EYS: variants seen among roughly 807,000 people sequenced by gnomAD.
EYS encodes the protein protein eyes shut homolog.
Under a neutral mutation model 282.1 loss-of-function variants are expected in EYS, and 250 were observed. That is an observed-to-expected ratio of 0.89 (90% CI 0.80 to 0.98). The LOEUF is 0.98. EYS is among the 50% of genes least tolerant of loss of function. The pLI is 0.00. For synonymous variants in EYS, 1,355 were observed against 1,282.9 expected (o/e 1.06, Z -1.20); for missense variants, 4,016 against 3,709.0 (o/e 1.08, Z -2.15).
At position 65,296,087 on chromosome 6, in the gene EYS, A is replaced by G. The variant is rs794727057; in HGVS notation, c.1799T>C (p.Leu600Ser). Residue 600 changes from leucine to serine, a missense_variant, in exon 12 of 43, where the codon TTG becomes TCG. Physicochemically the swap from Leu to Ser is moderately radical, Grantham distance 145. Coordinates refer to ENST00000503581, the MANE Select transcript of EYS (RefSeq NM_001142800.2). Reference sequence around the variant, plus strand: ...GCAATAGTCAACATTGACAACACACAATCTGCCAATGTAACTAAGAGAACA... The same window carrying G: ...GCAATAGTCAACATTGACAACACACGATCTGCCAATGTAACTAAGAGAACA... ...CSCSLSYIGRLCVVNVDYCLG... is the reference protein window; with the variant it reads ...CSCSLSYIGRSCVVNVDYCLG... The G allele has an allele frequency of 6.5e-7, 1 of 1,549,998 alleles. No homozygotes were observed. Among genetic ancestry groups the G allele is most frequent in the African/African-American group, 1.4e-5 (1 of 72,994 alleles).
intron 12 of EYS, among the ~76,000 whole-genome samples, chr6:65,162,317 G>C (rs974779113): frequency 1.3e-5 from 2 of 151,200 alleles, no homozygotes; most frequent in Admixed American, 6.6e-5. Context: ...ATAAAATATT[G>C]TTATTTTCTT....
At chr6:64,191,907 G>A (rs1765125491) in intron 31 of EYS, among the ~76,000 whole-genome samples, 1 of 149,856 alleles carries the variant, frequency 6.7e-6, no homozygotes, top group African/African-American at 2.5e-5. Flanking sequence ...TCGCCACACT[G>A]ACTTCCACAA....
rs993603647 is a variant in EYS at position 64,593,251 on chromosome 6, G to A, written c.3743C>T (p.Pro1248Leu). The part of the protein sequence containing the change: ...DEIRRITCLT[P>L]IFQRTDPIST... ...AATGGGATCTGTTCTTTGAAAGATG[G>A]GAGTTAAACAGGTAATTCTCCTTAT... The change falls in exon 25 of 43, where the codon CCC (proline) becomes CTC (leucine). Residue 1248 changes from proline (P) to leucine (L), a missense_variant. Pro to Leu is a moderately conservative substitution (Grantham distance 98). Transcript: ENST00000503581. 6.4e-7 allele frequency: 1 copy of A among 1,550,434 alleles called. No individual in the cohort carries two copies. Among genetic ancestry groups the A allele is most frequent in the African/African-American group, 1.4e-5 (1 of 72,944 alleles).
intron 29 of EYS, among the ~76,000 whole-genome samples, chr6:64,363,240 C>T (rs1367278810): frequency 6.6e-5 from 10 of 151,826 alleles, no homozygotes; most frequent in Admixed American, 5.3e-4. Flanking sequence ...AAGCCTTTAT[C>T]TTTTGTAAGA....
intron 2 of EYS, among the ~76,000 whole-genome samples, chr6:65,613,324 G>A (rs529936376): frequency 1.5e-4 from 23 of 151,878 alleles, no homozygotes; most frequent in Admixed American, 8.5e-4. Flanking sequence ...CATGGATAAG[G>A]TGAGAGACCT....
rs924477501 is a variant in EYS at position 64,029,466 on chromosome 6, C to T, written c.6726-30283G>A. ...AGGAAGTTTATGGCTATCGGACAACCGCCTACTTAGATACCAGGTACTCCT... is the reference window on the plus strand; with the variant it reads ...AGGAAGTTTATGGCTATCGGACAACTGCCTACTTAGATACCAGGTACTCCT... On this transcript the variant is annotated intron_variant, in intron 33 of 42. Coordinates refer to ENST00000503581, the MANE Select transcript of EYS (RefSeq NM_001142800.2). 5.9e-5 allele frequency among the ~76,000 whole-genome samples: 9 copies of T among 152,298 alleles called. No individual in the cohort carries two copies. The South Asian group carries it at 6.2e-4, about 11-fold the overall frequency.
rs116378059 is a variant in EYS, at chr6:64,502,522, G to A, written c.5645-63170C>T. Reference sequence around the variant, plus strand: ...CAGGCGTGAGCCACTGCGCTCGGCCGGAGGCTGGTGTTTTTTTAAGGTTAA... The same window carrying A: ...CAGGCGTGAGCCACTGCGCTCGGCCAGAGGCTGGTGTTTTTTTAAGGTTAA... On this transcript the variant is annotated intron_variant, in intron 26 of 42. Coordinates refer to ENST00000503581, the MANE Select transcript of EYS (RefSeq NM_001142800.2). Among the ~76,000 whole-genome samples, 1,193 of 152,198 alleles carry A rather than the reference G, an allele frequency of 7.8e-3. 12 individuals are homozygous for A. The highest frequency in any genetic ancestry group is 0.024 in the African/African-American group (1,009 of 41,546).
intron 33 of EYS, among the ~76,000 whole-genome samples, chr6:64,031,192 C>A (rs1307566532): frequency 6.6e-6 from 1 of 152,196 alleles, no homozygotes; most frequent in Non-Finnish European, 1.5e-5. Flanking sequence ...GCTGCACATG[C>A]TGTTTGCAGG....
At chr6:64,820,852 C>T (rs1764877080) in intron 21 of EYS, among the ~76,000 whole-genome samples, 1 of 152,106 alleles carries the variant, frequency 6.6e-6, no homozygotes, top group African/African-American at 2.4e-5. Flanking sequence ...CATGTACATT[C>T]TCACACATGA....
chr6:64,780,078 G>A (rs1020743362), intron 22 of EYS, among the ~76,000 whole-genome samples: 4 of 152,096 alleles, frequency 2.6e-5, no homozygotes, highest in East Asian at 1.9e-4. Flanking sequence ...TTTGAACATA[G>A]AGACTAGAGA....
chr6:64,925,857 C>T (rs1768501006), intron 15 of EYS, among the ~76,000 whole-genome samples: 1 of 152,220 alleles, frequency 6.6e-6, no homozygotes, highest in Admixed American at 6.5e-5. Flanking sequence ...ATGTGGGCCC[C>T]TAATGGTGGG....
intron 22 of EYS, among the ~76,000 whole-genome samples, chr6:64,703,429 A>ATATATTTT (rs869208549): frequency 2.6e-4 from 6 of 23,362 alleles, no homozygotes; most frequent in African/African-American, 4.8e-4. Flanking sequence ...ATATATATAT[A>ATATATTTT]TTTTTTTTTT....
chr6:64,441,896 T>A (rs1774960826), intron 26 of EYS, among the ~76,000 whole-genome samples: 1 of 152,168 alleles, frequency 6.6e-6, no homozygotes, highest in South Asian at 2.1e-4. Flanking sequence ...CTCAGGTATG[T>A]TTTTATCAGC....
At position 64,559,271 on chromosome 6, in the gene EYS, A is replaced by ATGTGTGTGTGTGTG. The variant is rs4034160; in HGVS notation, c.5644+30938_5644+30951dup. Among the ~76,000 whole-genome samples, 8 of 142,316 alleles carry ATGTGTGTGTGTGTG rather than the reference A, an allele frequency of 5.6e-5. No homozygotes were observed. In the East Asian group the frequency reaches 1.5e-3, roughly 26 times the overall value. 93.4% of individuals were successfully genotyped at this position (142,316 alleles called of 152,430 possible). The stretch of plus-strand genomic sequence containing the variant: ...CTTCTTTGTATGTGTGTGTGTGTGC[A>ATGTGTGTGTGTGTG]TGTGTGTGTGTGTGTGTGTGTGTGT... On this transcript the variant is annotated intron_variant, in intron 26 of 42. Transcript: ENST00000503581.
intron 33 of EYS, among the ~76,000 whole-genome samples, chr6:64,056,838 T>C (rs1771002633): frequency 6.6e-6 from 1 of 152,192 alleles, no homozygotes; most frequent in Non-Finnish European, 1.5e-5. Context: ...CATAATGTCA[T>C]CATGAGGCAC....
At chr6:64,695,163 G>T (rs1770531422) in intron 22 of EYS, among the ~76,000 whole-genome samples, 1 of 151,980 alleles carries the variant, frequency 6.6e-6, no homozygotes, top group Non-Finnish European at 1.5e-5. Flanking sequence ...CAGAGCATAG[G>T]ACTGGGACCA....
At chr6:64,125,646 C>A (rs6909163) in intron 31 of EYS, among the ~76,000 whole-genome samples, 2,895 of 151,634 alleles carry the variant, frequency 0.019, 80 homozygotes, top group African/African-American at 0.066. Context: ...ATTAGCCGGG[C>A]GTGGTGGTGG....
At position 64,079,108 on chromosome 6, in the gene EYS, T is replaced by C. The variant is rs140445069; in HGVS notation, c.6571+2748A>G. On this transcript the variant is annotated intron_variant, in intron 32 of 42. Transcript: ENST00000503581. ...TTATGTTTGTGTCTTTTGTTCTGTT[T>C]TTCTTTTGTTTACTCTGCAATGTAC... 8.8e-3 allele frequency among the ~76,000 whole-genome samples: 1,334 copies of C among 152,246 alleles called. 16 individuals are homozygous for C. The highest frequency in any genetic ancestry group is 0.03 in the African/African-American group (1,237 of 41,574).
intron 19 of EYS, among the ~76,000 whole-genome samples, chr6:64,829,225 A>G (rs1765146378): frequency 1.3e-5 from 2 of 151,976 alleles, no homozygotes; most frequent in South Asian, 4.1e-4. Flanking sequence ...GCCATAAAGA[A>G]ATAACTCAGC....
Sources: gnomAD v4.1 joint callset for allele counts (sites outside exome capture counted in the v4.1 genomes callset) on GRCh38, gnomAD v4.1.1 for gene constraint, MANE v1.5 for transcripts, NCBI Gene and HGNC (gene_info 2026-07-23, HGNC 2026-07-21) for gene names.